Variants in HCFC1 observed in about 807,000 individuals in gnomAD.
HCFC1 encodes the protein host cell factor 1.
HCFC1 carries 7 observed loss-of-function variants against 105.5 expected under a neutral mutation model. The ratio of observed to expected loss-of-function variants is 0.07; its 90% CI spans 0.04 to 0.12. The LOEUF (loss-of-function observed/expected upper bound fraction) is 0.12, where lower values mean the gene tolerates loss of function less well. HCFC1 is among the 10% of genes least tolerant of loss of function. The pLI is 1.00. For synonymous variants in HCFC1, 918 were observed against 828.1 expected, an observed-to-expected ratio of 1.11 and a Z score of -1.86; for missense variants, 1,065 against 1,823.6, an observed-to-expected ratio of 0.58 and a Z score of 7.58.
intron 12 of HCFC1, 29 bp from the exon 13 acceptor site, chrX:153,957,562 G>A (rs782497092): frequency 2.7e-5 from 29 of 1,090,211 alleles, no homozygotes; most frequent in East Asian, 1.5e-4. Flanking sequence ...TGCATGAGCC[G>A]GCATCACTGC....
Position 153,954,618 on chromosome X carries a change from G to A in HCFC1, c.3781C>T (p.Leu1261Phe). Residue 1261 changes from leucine (L) to phenylalanine (F), a missense_variant, in exon 17 of 26, where the codon CTC becomes TTC. By Grantham distance (22) the Leu-to-Phe change is conservative. Around this residue, in one of 17 missense-constraint regions of HCFC1, gnomAD observed 546 missense variants for 599.9 expected, o/e 0.91. Transcript: ENST00000310441. The stretch of plus-strand genomic sequence containing the variant: ...GTGGTGCTGGGCGAGCCACCCTGGA[G>A]GCTCTCGCACACAGGTGCCATGCGG... Reference protein sequence around the residue: ...EPRMAPVCESLQGGSPSTTVT... With the variant: ...EPRMAPVCESFQGGSPSTTVT... 1 of 1,208,202 alleles carries A rather than the reference G, an allele frequency of 8.3e-7. No homozygotes were observed. Among genetic ancestry groups the A allele is most frequent in the Non-Finnish European group, 1.1e-6 (1 of 893,291 alleles).
chrX:153,969,398 C>T (rs1321515481), intron 1 of HCFC1: 2 of 111,494 alleles, frequency 1.8e-5, no homozygotes, highest in African/African-American at 3.3e-5. Context: ...GTGCCTGCCA[C>T]TCAGGACTAG....
chrX:153,952,797 C>T lies in HCFC1; in HGVS notation c.4659G>A (p.Gly1553=), dbSNP rs782387300. 2.0e-5 allele frequency: 24 copies of T among 1,205,902 alleles called. No homozygotes were observed. The highest frequency in any genetic ancestry group is 2.7e-5 in the Non-Finnish European group (24 of 892,611). ...CAGACTCCTGGCCCGAAGATGGCTC[C>T]CCTGTGCTGCTCAGATCCACGGCGG... ...LPAAVDLSST[G]EPSSGQESAG... is the part of the protein sequence containing the mutation. The change falls in exon 19 of 26, where the codon GGG becomes GGA. Residue 1553 remains glycine, a synonymous_variant. Transcript: ENST00000310441.
At chrX:153,953,144 C>A in intron 18 of HCFC1, 186 bp from the exon 19 acceptor site, 1 of 473,417 alleles carries the variant, frequency 2.1e-6, no homozygotes, top group Non-Finnish European at 3.7e-6. Flanking sequence ...CAGAGCCAGG[C>A]AGCAGGGCTG....
intron 6 of HCFC1, 106 bp from the exon 7 acceptor site, chrX:153,960,520 A>T: frequency 2.0e-6 from 1 of 507,582 alleles, no homozygotes; most frequent in Non-Finnish European, 3.1e-6. Flanking sequence ...TAAAATCAAG[A>T]AGTTATTGGA....
At chrX:153,960,811 G>C (rs1294280386) in intron 6 of HCFC1, among the ~76,000 whole-genome samples, 1 of 112,519 alleles carries the variant, frequency 8.9e-6, no homozygotes, top group Non-Finnish European at 1.9e-5. Context: ...TTTATTTTCA[G>C]GCCCGCAGCA....
chrX:153,951,558 G>T (rs781885582), intron 21 of HCFC1, 31 bp downstream of exon 21: 2 of 1,202,041 alleles, frequency 1.7e-6, no homozygotes, highest in Non-Finnish European at 2.3e-6. Context: ...CCCAGGCCAC[G>T]GACTCAGGAG....
chrX:153,959,889 G>A lies in HCFC1; in HGVS notation c.1357C>T (p.Pro453Ser). The A allele has an allele frequency of 8.3e-7, 1 of 1,199,937 alleles. No individual in the cohort carries two copies. The highest frequency in any genetic ancestry group is 1.8e-5 in the South Asian group (1 of 55,920). ...VGITLLPQAA[P>S]APPTTTTIQV... ...ATGGTGGTGGTGGTCGGGGGTGCGG[G>A]GGCAGCCTGGGGCAGGAGCGTGATG... Residue 453 changes from proline to serine, a missense_variant, in exon 8 of 26, where the codon CCC becomes TCC. By Grantham distance (74) the Pro-to-Ser change is moderately conservative (BLOSUM62 -1). Around this residue, in one of 17 missense-constraint regions of HCFC1, gnomAD observed 101 missense variants for 155.1 expected, o/e 0.65. Coordinates refer to ENST00000310441, the MANE Select transcript of HCFC1 (RefSeq NM_005334.3).
intron 25 of HCFC1, 74 bp from the exon 26 acceptor site, chrX:153,949,460 C>T (rs2065288902): frequency 9.8e-6 from 11 of 1,124,686 alleles, no homozygotes; most frequent in African/African-American, 3.6e-5. Context: ...GGTGCAGGGC[C>T]GGTTAGGGGC....
At chrX:153,970,589 G>A (rs1569547086) in intron 1 of HCFC1, 59 bp downstream of exon 1, 19 of 838,151 alleles carry the variant, frequency 2.3e-5, no homozygotes, top group Non-Finnish European at 2.9e-5. Context: ...GAAAGAGGAG[G>A]GAGAGGGAGG....
chrX:153,959,102 C>T (rs1408630657), intron 9 of HCFC1, among the ~76,000 whole-genome samples: 4 of 113,151 alleles, frequency 3.5e-5, no homozygotes. Context: ...AGAAAGTCCA[C>T]GTGGCAAATG....
At chrX:153,966,881 G>A (rs1348151927) in intron 1 of HCFC1, among the ~76,000 whole-genome samples, 2 of 112,583 alleles carry the variant, frequency 1.8e-5, no homozygotes, top group East Asian at 2.8e-4. Context: ...TGGGGTCAGT[G>A]GGCAGCTTTC....
rs1038294095 is a variant in HCFC1, at chrX:153,948,333, G to C, written c.*1014C>G. On this transcript the variant is annotated 3_prime_UTR_variant, in exon 26 of 26. Transcript: ENST00000310441. Reference sequence around the variant, plus strand: ...TCCAGCGGCCTGAGGACAGGCAAAAGGGCAGAGGGCAGGGGCCAGCAACAG... The same window carrying C: ...TCCAGCGGCCTGAGGACAGGCAAAACGGCAGAGGGCAGGGGCCAGCAACAG... 22 of 112,145 alleles carry C rather than the reference G, an allele frequency of 2.0e-4. No individual in the cohort carries two copies. Among genetic ancestry groups the C allele is most frequent in the African/African-American group, 6.5e-4 (20 of 30,846 alleles). The allele number at this position is 112,145 out of a possible 1,213,427, so 9.2% of individuals were successfully genotyped here.
rs1557113025 is a variant in HCFC1, at chrX:153,952,832, C to T, written c.4624G>A (p.Glu1542Lys). The change falls in exon 19 of 26, where the codon GAG becomes AAG. Residue 1542 changes from glutamate (E) to lysine (K), a missense_variant. By Grantham distance (56) the Glu-to-Lys change is moderately conservative. Transcript: ENST00000310441. ...AEVLSASQTP[E>K]LPAAVDLSST... ...CTCAGATCCACGGCGGCCGGGAGCT[C>T]AGGGGTCTGGGAGGCTGACAGGACC... 8.4e-7 allele frequency: 1 copy of T among 1,194,428 alleles called. No homozygotes were observed. The highest frequency in any genetic ancestry group is 1.1e-6 in the Non-Finnish European group (1 of 887,027).
chrX:153,950,191 C>G, intron 24 of HCFC1, 52 bp downstream of exon 24: 17 of 1,083,159 alleles, frequency 1.6e-5, no homozygotes, highest in Non-Finnish European at 2.0e-5. Context: ...CCTGCTGCAC[C>G]CGGCTTCCTG....
At chrX:153,951,774 C>T in intron 20 of HCFC1, 67 bp from the exon 21 acceptor site, 1 of 1,167,213 alleles carries the variant, frequency 8.6e-7, no homozygotes. Context: ...GACCGAGCCT[C>T]CCGTCCTGCC....
rs782040728 is a variant in HCFC1 at position 153,957,757 on chromosome X, G to A, written c.2133+25C>T. 82 of 1,115,621 alleles carry A rather than the reference G, an allele frequency of 7.4e-5. No homozygotes were observed. The Admixed American group carries it at 9.8e-4, about 13-fold the overall frequency. The allele number at this position is 1,115,621 out of a possible 1,213,427, so 91.9% of individuals were successfully genotyped here. The stretch of plus-strand genomic sequence containing the variant: ...CTGGCACCCAGGCCCCCACTCTTGC[G>A]TATGTGCAAAGACTGAGAGCTCACC... On this transcript the variant is annotated intron_variant, in intron 12 of 25. Transcript: ENST00000310441.
chrX:153,967,418 C>T (rs1557118623), intron 1 of HCFC1, among the ~76,000 whole-genome samples: 1 of 112,476 alleles, frequency 8.9e-6, no homozygotes, highest in African/African-American at 3.2e-5. Context: ...TCCCTGGTTG[C>T]CACTGTCCCA....
In HCFC1 at chrX:153,971,352, G is replaced by T; in HGVS notation, c.-512C>A. The stretch of plus-strand genomic sequence containing the variant: ...CCCCGCCGGCGCTCAGACCACAATT[G>T]TGGGAGCCGCCATCTTGAGACCGTC... On this transcript the variant is annotated 5_prime_UTR_variant, in exon 1 of 26. Transcript: ENST00000310441. 3.4e-6 allele frequency: 1 copy of T among 296,848 alleles called. No homozygotes were observed. The highest frequency in any genetic ancestry group is 4.8e-5 in the East Asian group (1 of 21,012). The allele number at this position is 296,848 out of a possible 1,213,427, so 24.5% of individuals were successfully genotyped here.
Sources: gnomAD v4.1 joint callset for allele counts (sites outside exome capture counted in the v4.1 genomes callset) on GRCh38, gnomAD v4.1.1 for gene constraint, gnomAD v4.1.1 regional missense constraint, MANE v1.5 for transcripts, NCBI Gene and HGNC (gene_info 2026-07-23, HGNC 2026-07-21) for gene names.